The following MGAT5 variants were observed in gnomAD, a reference collection of about 807,000 sequenced individuals.
The protein encoded by MGAT5 is alpha-1,6-mannosylglycoprotein 6-beta-N-acetylglucosaminyltransferase.
Under a neutral mutation model 94.3 loss-of-function variants are expected in MGAT5, and 30 were observed. That is an observed-to-expected ratio of 0.32 (90% CI 0.24 to 0.43). MGAT5 has a LOEUF of 0.43. MGAT5 is among the 20% of genes least tolerant of loss of function. MGAT5 has a pLI of 1.00. For synonymous variants in MGAT5, 310 were observed against 322.9 expected, an observed-to-expected ratio of 0.96 and a Z score of 0.43; for missense variants, 691 against 905.5, an observed-to-expected ratio of 0.76 and a Z score of 3.04.
At chr2:134,188,469 G>C (rs1379275715) in intron 1 of MGAT5, among the ~76,000 whole-genome samples, 2 of 152,262 alleles carry the variant, frequency 1.3e-5, no homozygotes, top group Non-Finnish European at 2.9e-5. Context: ...TGAGGTTGCT[G>C]TGATGATTGA....
At chr2:134,183,057 T>C (rs1444470126) in intron 1 of MGAT5, among the ~76,000 whole-genome samples, 1 of 152,208 alleles carries the variant, frequency 6.6e-6, no homozygotes, top group Non-Finnish European at 1.5e-5. Context: ...CCCAAAGTGC[T>C]GGGATTACAG....
At chr2:134,312,405 C>G (rs1451951302) in intron 2 of MGAT5, among the ~76,000 whole-genome samples, 1 of 152,158 alleles carries the variant, frequency 6.6e-6, no homozygotes. Context: ...TGCTGTTTTC[C>G]TCAGCTGTGT....
intron 2 of MGAT5, among the ~76,000 whole-genome samples, chr2:134,292,232 G>C (rs1685411979): frequency 6.6e-6 from 1 of 152,142 alleles, no homozygotes; most frequent in African/African-American, 2.4e-5. Context: ...CCTCAGGGAA[G>C]GTATTTACTG....
intron 1 of MGAT5, among the ~76,000 whole-genome samples, chr2:134,180,798 G>A: frequency 6.6e-6 from 1 of 152,270 alleles, no homozygotes; most frequent in African/African-American, 2.4e-5. Flanking sequence ...GGGGCCAGGA[G>A]TTTTTTCTGT....
At chr2:134,398,607 G>A (rs1051960362) in intron 10 of MGAT5, among the ~76,000 whole-genome samples, 1 of 152,186 alleles carries the variant, frequency 6.6e-6, no homozygotes, top group Non-Finnish European at 1.5e-5. Flanking sequence ...GGAAGTTGGA[G>A]ATCAAAGAGA....
intron 10 of MGAT5, among the ~76,000 whole-genome samples, chr2:134,372,792 A>C (rs1680895781): frequency 6.6e-6 from 1 of 152,234 alleles, no homozygotes; most frequent in Non-Finnish European, 1.5e-5. Context: ...CAGCCCTCCC[A>C]GCAGCATAAA....
chr2:134,371,476 G>GT (rs1680793889), intron 10 of MGAT5, among the ~76,000 whole-genome samples: 1 of 152,166 alleles, frequency 6.6e-6, no homozygotes, highest in Non-Finnish European at 1.5e-5. Context: ...CAGACTGCTG[G>GT]TTTTTTCTCC....
chr2:134,312,763 C>T (rs1398513770), intron 2 of MGAT5, among the ~76,000 whole-genome samples: 1 of 152,004 alleles, frequency 6.6e-6, no homozygotes, highest in African/African-American at 2.4e-5. Flanking sequence ...CAGCAGATGC[C>T]CAGTGAAGGT....
At chr2:134,145,354 G>A (rs1297039115) in intron 1 of MGAT5, among the ~76,000 whole-genome samples, 1 of 152,122 alleles carries the variant, frequency 6.6e-6, no homozygotes, top group Non-Finnish European at 1.5e-5. Context: ...AGACCATCCT[G>A]GCTAACATGG....
chr2:134,169,523 A>T (rs1199757153), intron 1 of MGAT5, among the ~76,000 whole-genome samples: 1 of 152,202 alleles, frequency 6.6e-6, no homozygotes, highest in Non-Finnish European at 1.5e-5. Context: ...AAGGGAAGAA[A>T]ATTACAGCAT....
chr2:134,213,343 C>G (rs1048865116), intron 1 of MGAT5, among the ~76,000 whole-genome samples: 1 of 150,144 alleles, frequency 6.7e-6, no homozygotes, highest in African/African-American at 2.5e-5. Context: ...CCCACTGCTG[C>G]CTTTTAAATC....
At chr2:134,306,553 G>A (rs1462522089) in intron 2 of MGAT5, among the ~76,000 whole-genome samples, 1 of 152,138 alleles carries the variant, frequency 6.6e-6, no homozygotes, top group Admixed American at 6.6e-5. Context: ...ATGAGAGCTA[G>A]TGTGTGATGT....
At chr2:134,444,216 C>T (rs936891366) in intron 15 of MGAT5, among the ~76,000 whole-genome samples, 5 of 152,162 alleles carry the variant, frequency 3.3e-5, no homozygotes, top group Admixed American at 2.6e-4. Context: ...GGAGTAGGCC[C>T]GAGGCCACTG....
At chr2:134,175,293 T>A (rs1446063049) in intron 1 of MGAT5, among the ~76,000 whole-genome samples, 1 of 152,236 alleles carries the variant, frequency 6.6e-6, no homozygotes, top group Non-Finnish European at 1.5e-5. Flanking sequence ...TACCTACCCC[T>A]CCATATTCCC....
At chr2:134,155,635 C>T (rs1047863601) in intron 1 of MGAT5, among the ~76,000 whole-genome samples, 4 of 152,126 alleles carry the variant, frequency 2.6e-5, no homozygotes, top group African/African-American at 9.7e-5. Context: ...CAGGGCCATC[C>T]TTTTTAAGCT....
intron 9 of MGAT5, among the ~76,000 whole-genome samples, chr2:134,360,091 T>A (rs967876302): frequency 1.3e-5 from 2 of 152,174 alleles, no homozygotes; most frequent in Non-Finnish European, 2.9e-5. Context: ...TCACCTGAGG[T>A]CCTTGAAACC....
chr2:134,368,761 T>C (rs1461498134), intron 10 of MGAT5, among the ~76,000 whole-genome samples: 2 of 152,194 alleles, frequency 1.3e-5, no homozygotes, highest in Non-Finnish European at 2.9e-5. Flanking sequence ...TTAGCGAGGC[T>C]CTCTGCAAGC....
chr2:134,253,805 G>T (rs1300200812), upstream of MGAT5, among the ~76,000 whole-genome samples: 1 of 152,160 alleles, frequency 6.6e-6, no homozygotes, highest in Admixed American at 6.5e-5. Context: ...CCCCAAGGGG[G>T]CATCCACTTT....
At chr2:134,306,567 A>G (rs1166693309) in intron 2 of MGAT5, among the ~76,000 whole-genome samples, 1 of 152,122 alleles carries the variant, frequency 6.6e-6, no homozygotes, top group Non-Finnish European at 1.5e-5. Flanking sequence ...GTGATGTTTC[A>G]GTGTGGTGCA....
Sources: gnomAD v4.1 joint callset for allele counts (sites outside exome capture counted in the v4.1 genomes callset) on GRCh38, gnomAD v4.1.1 for gene constraint, MANE v1.5 for transcripts, NCBI Gene and HGNC (gene_info 2026-07-23, HGNC 2026-07-21) for gene names.